PDZD2: variants seen among roughly 807,000 people sequenced by gnomAD.
PDZD2 encodes PDZ domain-containing protein 2.
PDZD2 carries 90 observed loss-of-function variants against 220.7 expected under a neutral mutation model. The observed-to-expected ratio is 0.41, with a 90% CI of 0.34 to 0.49. The LOEUF (loss-of-function observed/expected upper bound fraction) is 0.49. Among genes scored for constraint, PDZD2 ranks in the 20% least tolerant of loss-of-function variants. The pLI, the probability that PDZD2 is intolerant of heterozygous loss-of-function variation, is 0.28. For synonymous variants in PDZD2, 1,375 were observed against 1,450.5 expected, an observed-to-expected ratio of 0.95 and a Z score of 1.18; for missense variants, 3,174 against 3,608.5, an observed-to-expected ratio of 0.88 and a Z score of 3.08.
At chr5:31,879,273 C>G (rs1283189299) in intron 2 of PDZD2, among the ~76,000 whole-genome samples, 1 of 151,666 alleles carries the variant, frequency 6.6e-6, no homozygotes, top group Non-Finnish European at 1.5e-5. Flanking sequence ...TGTAGTCCCA[C>G]CTACTTGGGA....
intron 1 of PDZD2, among the ~76,000 whole-genome samples, chr5:31,791,258 T>G (rs1753707265): frequency 6.6e-6 from 1 of 152,112 alleles, no homozygotes; most frequent in South Asian, 2.1e-4. Context: ...CTCTGATTGC[T>G]TACTGAGTTG....
intron 2 of PDZD2, among the ~76,000 whole-genome samples, chr5:31,972,275 G>A (rs1749370490): frequency 6.6e-6 from 1 of 152,074 alleles, no homozygotes; most frequent in East Asian, 1.9e-4. Flanking sequence ...AACTGCACCT[G>A]CCTAATTTTT....
At chr5:31,852,367 A>G (rs58426539) in intron 2 of PDZD2, among the ~76,000 whole-genome samples, 14,907 of 145,104 alleles carry the variant, frequency 0.1, 1,102 homozygotes, top group East Asian at 0.38. Flanking sequence ...TGCAACCTCT[A>G]CCTCCTGGGT....
At chr5:32,096,377 G>A (rs555981589) in intron 21 of PDZD2, among the ~76,000 whole-genome samples, 26 of 152,122 alleles carry the variant, frequency 1.7e-4, no homozygotes, top group Non-Finnish European at 3.8e-4. Context: ...AGTGCAACTG[G>A]CATGATCTCC....
In PDZD2 at chr5:31,890,083, A is replaced by G. The variant is rs965806219; in HGVS notation, c.476+90359A>G. Among the ~76,000 whole-genome samples the G allele has an allele frequency of 2.7e-5, 4 of 147,934 alleles. No individual in the cohort carries two copies. The Admixed American group carries it at 2.7e-4, about 10-fold the overall frequency. On this transcript the variant is annotated intron_variant, in intron 2 of 24. Coordinates refer to ENST00000438447, the MANE Select transcript of PDZD2 (RefSeq NM_178140.4). ...CACCAAAACAAACAAACAAAACCGT[A>G]AGAAACATTGCCCTCCTGAGCATTG... is the stretch of plus-strand genomic sequence containing the variant.
At chr5:31,733,335 C>CA (rs760354647) in intron 1 of PDZD2, among the ~76,000 whole-genome samples, 8 of 152,192 alleles carry the variant, frequency 5.3e-5, no homozygotes, top group Non-Finnish European at 1.0e-4. Flanking sequence ...CCTGGGGGTT[C>CA]AAATGGTTGA....
chr5:31,722,020 C>T (rs1196610782), intron 1 of PDZD2, among the ~76,000 whole-genome samples: 1 of 152,116 alleles, frequency 6.6e-6, no homozygotes, highest in African/African-American at 2.4e-5. Context: ...GCCCTGTCTG[C>T]TCGAGCTCAA....
chr5:31,725,140 G>A (rs253917), intron 1 of PDZD2, among the ~76,000 whole-genome samples: 85,893 of 151,596 alleles, frequency 0.57, 24,752 homozygotes, highest in East Asian at 0.76. Context: ...AGACCAGCCT[G>A]ACCAACATGG....
intron 2 of PDZD2, among the ~76,000 whole-genome samples, chr5:31,970,504 A>G (rs1321921638): frequency 6.6e-6 from 1 of 151,980 alleles, no homozygotes; most frequent in Non-Finnish European, 1.5e-5. Flanking sequence ...AAAAATACAA[A>G]AATTAACCGG....
rs147464048 is a variant in PDZD2, at chr5:31,679,020, G to A, written c.-361+39583G>A. 5.8e-3 allele frequency among the ~76,000 whole-genome samples: 886 copies of A among 151,996 alleles called. 13 individuals carry two copies. Among genetic ancestry groups the A allele is most frequent in the Middle Eastern group, 6.8e-3 (2 of 294 alleles). ...CTACTTTTTTTCTTTTAGACACTTC[G>A]TGATGTCAAAAAAATTTTCCCTGCC... On this transcript the variant is annotated intron_variant, in intron 1 of 24. Transcript: ENST00000438447.
Position 32,090,395 on chromosome 5 carries a change from G to C in PDZD2, c.6947G>C (p.Arg2316Thr). The C allele has an allele frequency of 6.2e-7, 1 of 1,614,208 alleles. No individual in the cohort carries two copies. Among genetic ancestry groups the C allele is most frequent in the Non-Finnish European group, 8.5e-7 (1 of 1,180,024 alleles). The change falls in exon 20 of 25, where the codon AGA becomes ACA. Residue 2316 changes from arginine to threonine, a missense_variant. By Grantham distance (71) the Arg-to-Thr change is moderately conservative. Transcript: ENST00000438447. This position sits in a 1 kb window ranked among gnomAD's most constrained non-coding sequence, Gnocchi z 4.3. ...CLVTDKIKVTRRHYCYEQNWP... is the reference protein window; with the variant it reads ...CLVTDKIKVTTRHYCYEQNWP... ...GTCACAGACAAAATCAAAGTCACCA[G>C]ACGACACTACTGCTATGAGCAGAAC... is the stretch of plus-strand genomic sequence containing the variant.
chr5:31,796,189 A>T (rs1754011988), intron 1 of PDZD2, among the ~76,000 whole-genome samples: 1 of 152,192 alleles, frequency 6.6e-6, no homozygotes, highest in African/African-American at 2.4e-5. Context: ...TTTCATTTAA[A>T]GTTTTGTTTA....
intron 7 of PDZD2, among the ~76,000 whole-genome samples, chr5:32,046,399 C>T (rs902195742): frequency 5.9e-5 from 9 of 152,106 alleles, no homozygotes; most frequent in Non-Finnish European, 1.3e-4. Flanking sequence ...CACCCCACCA[C>T]ACCTAGCTAA....
At chr5:32,060,963 G>T (rs777683377) in intron 13 of PDZD2, 39 bp from the exon 14 acceptor site, 1 of 1,610,654 alleles carries the variant, frequency 6.2e-7, no homozygotes, top group Non-Finnish European at 8.5e-7. Context: ...TAAGAAGCTG[G>T]CTGCTAACAC....
In PDZD2 at chr5:32,098,192, A is replaced by G. The variant is rs35857335; in HGVS notation, c.7948-172A>G. Among the ~76,000 whole-genome samples, 122 of 152,206 alleles carry G rather than the reference A, an allele frequency of 8.0e-4. No individual in the cohort carries two copies. Among genetic ancestry groups the G allele is most frequent in the Admixed American group, 2.5e-3 (38 of 15,280 alleles). On this transcript the variant is annotated intron_variant, in intron 22 of 24. Coordinates refer to ENST00000438447, the MANE Select transcript of PDZD2 (RefSeq NM_178140.4). The surrounding 1 kb of genome is among the most constrained non-coding windows in gnomAD (Gnocchi z 4.1). The stretch of plus-strand genomic sequence containing the variant: ...AGAATCGCTTGAACCCGGGAGGCTG[A>G]GATTGCACCACTGTACTCCAGCCTG...
intron 1 of PDZD2, among the ~76,000 whole-genome samples, chr5:31,679,171 C>T (rs1746559427): frequency 6.6e-6 from 1 of 152,212 alleles, no homozygotes; most frequent in Admixed American, 6.5e-5. Flanking sequence ...GTGTTATCTT[C>T]ATAGTAAGAT....
intron 2 of PDZD2, among the ~76,000 whole-genome samples, chr5:31,855,524 C>T (rs970429778): frequency 2.0e-5 from 3 of 152,216 alleles, no homozygotes; most frequent in African/African-American, 4.8e-5. Flanking sequence ...GTTTCAGAAC[C>T]TTGGGGCCTG....
Position 32,083,125 on chromosome 5 carries a change from G to A in PDZD2, c.3683-4006G>A, listed in dbSNP as rs1278511805. Among the ~76,000 whole-genome samples, 2 of 150,422 alleles carry A rather than the reference G, an allele frequency of 1.3e-5. No individual in the cohort carries two copies. The highest frequency in any genetic ancestry group is 4.9e-5 in the African/African-American group (2 of 40,824). On this transcript the variant is annotated intron_variant, in intron 19 of 24. Transcript: ENST00000438447. The surrounding 1 kb of genome is among the most constrained non-coding windows in gnomAD (Gnocchi z 4.1). ...AAAACCTCTGTTAATATTTTGGTCT[G>A]TATCATTTGAGTCTTGTGCGTATAT...
chr5:31,729,258 G>A (rs1356627248), intron 1 of PDZD2, among the ~76,000 whole-genome samples: 3 of 151,812 alleles, frequency 2.0e-5, no homozygotes, highest in South Asian at 2.1e-4. Context: ...CACTACACCC[G>A]GCTAATTTTT....
Sources: allele counts gnomAD v4.1 joint callset (sites outside exome capture counted in the v4.1 genomes callset), GRCh38; gene constraint gnomAD v4.1.1; non-coding constraint Gnocchi (gnomAD v3.1); transcripts MANE v1.5; gene names NCBI Gene and HGNC (gene_info 2026-07-23, HGNC 2026-07-21).